Variants in CNTNAP5 observed in about 807,000 individuals in gnomAD.
CNTNAP5 encodes the protein contactin associated protein family member 5.
A neutral mutation model predicts 150.2 loss-of-function variants in CNTNAP5; 72 were observed. The observed-to-expected ratio is 0.48, with a 90% CI of 0.40 to 0.58. The LOEUF (loss-of-function observed/expected upper bound fraction) is 0.58, where lower values mean the gene tolerates loss of function less well. Among genes scored for constraint, CNTNAP5 ranks in the 20% least tolerant of loss-of-function variants. The pLI is 0.00. For synonymous variants in CNTNAP5, 672 were observed against 619.8 expected (o/e 1.08, Z -1.25); for missense variants, 1,636 against 1,626.2 (o/e 1.01, Z -0.10).
At chr2:124,352,550 G>A (rs1197138973) in intron 3 of CNTNAP5, among the ~76,000 whole-genome samples, 1 of 152,186 alleles carries the variant, frequency 6.6e-6, no homozygotes, top group Non-Finnish European at 1.5e-5. Context: ...CTTTCTAGCT[G>A]TGCAATTTTC....
At chr2:124,552,461 T>G (rs943490632) in intron 10 of CNTNAP5, among the ~76,000 whole-genome samples, 1 of 152,196 alleles carries the variant, frequency 6.6e-6, no homozygotes, top group Non-Finnish European at 1.5e-5. Context: ...CGCTCAGATA[T>G]CTGAACATCT....
chr2:124,106,119 G>T (rs1164794664), intron 1 of CNTNAP5, among the ~76,000 whole-genome samples: 1 of 151,836 alleles, frequency 6.6e-6, no homozygotes. Flanking sequence ...GCAGGAATTA[G>T]GCCTACACAA....
At chr2:124,044,745 C>T (rs138941584) in intron 1 of CNTNAP5, among the ~76,000 whole-genome samples, 68 of 152,196 alleles carry the variant, frequency 4.5e-4, no homozygotes, top group African/African-American at 1.6e-3. Flanking sequence ...ATCTCCTCAA[C>T]TGTCATGATG....
rs1339229163 is a variant in CNTNAP5 at position 124,647,921 on chromosome 2, C to A, written c.2040C>A (p.Ala680=). 2.5e-6 allele frequency: 4 copies of A among 1,608,036 alleles called. No individual in the cohort carries two copies. Among genetic ancestry groups the A allele is most frequent in the Non-Finnish European group, 3.4e-6 (4 of 1,177,734 alleles). ...CTGAGCACTGTGAGCAGGAGGTGGC[C>A]TACCACTGCAGGAGGTCCCGCCTGC... is the stretch of plus-strand genomic sequence containing the variant. ...DGSEHCEQEV[A]YHCRRSRLLN... is the part of the protein sequence containing the mutation. Residue 680 remains alanine, a synonymous_variant, in exon 13 of 24, where the codon GCC becomes GCA. Transcript: ENST00000682447.
intron 21 of CNTNAP5, among the ~76,000 whole-genome samples, chr2:124,885,536 CA>C (rs1386747772): frequency 7.0e-6 from 1 of 143,742 alleles, no homozygotes; most frequent in East Asian, 2.0e-4. Flanking sequence ...TATCTAGCTC[CA>C]AAACATTTTC....
chr2:124,571,375 A>G (rs1175384314), intron 11 of CNTNAP5, among the ~76,000 whole-genome samples: 1 of 152,078 alleles, frequency 6.6e-6, no homozygotes, highest in East Asian at 1.9e-4. Flanking sequence ...TCAAGAAGAG[A>G]TACAATCAAG....
chr2:124,100,179 C>T (rs1003198782), intron 1 of CNTNAP5, among the ~76,000 whole-genome samples: 26 of 152,104 alleles, frequency 1.7e-4, no homozygotes, highest in Admixed American at 2.6e-4. Context: ...AGCAGGGATA[C>T]GAGGGGCGGA....
At chr2:124,191,598 G>C (rs1685458634) in intron 1 of CNTNAP5, among the ~76,000 whole-genome samples, 1 of 152,136 alleles carries the variant, frequency 6.6e-6, no homozygotes, top group Admixed American at 6.5e-5. Context: ...GATATTAGGA[G>C]AGTACAGTGG....
At chr2:124,544,939 A>AC (rs1401972132) in intron 10 of CNTNAP5, among the ~76,000 whole-genome samples, 1 of 152,148 alleles carries the variant, frequency 6.6e-6, no homozygotes, top group African/African-American at 2.4e-5. Flanking sequence ...ACATCAGGAG[A>AC]CAAGGGCTTA....
chr2:124,904,997 T>C (rs1442177350), intron 22 of CNTNAP5, among the ~76,000 whole-genome samples: 1 of 145,344 alleles, frequency 6.9e-6, no homozygotes, highest in Non-Finnish European at 1.5e-5. Flanking sequence ...TGATGAAGGG[T>C]TAGTATCCAA....
At chr2:124,335,721 G>A (rs1241978213) in intron 3 of CNTNAP5, among the ~76,000 whole-genome samples, 1 of 151,772 alleles carries the variant, frequency 6.6e-6, no homozygotes, top group Non-Finnish European at 1.5e-5. Context: ...CAGAAATTAA[G>A]GAGGCTGACT....
intron 1 of CNTNAP5, among the ~76,000 whole-genome samples, chr2:124,194,985 A>G (rs1685550311): frequency 6.6e-6 from 1 of 152,052 alleles, no homozygotes; most frequent in African/African-American, 2.4e-5. Flanking sequence ...ATCATAACTA[A>G]ATGGAAAACT....
rs574748675 is a variant in CNTNAP5 at position 124,726,191 on chromosome 2, G to A, written c.2078-21038G>A. Among the ~76,000 whole-genome samples the A allele has an allele frequency of 4.6e-5, 7 of 152,002 alleles. No homozygotes were observed. In the South Asian group the frequency reaches 1.5e-3, roughly 32 times the overall value. On this transcript the variant is annotated intron_variant, in intron 13 of 23. Transcript: ENST00000682447. ...CAGGTCTGAGGTGATAGCTCATGTAGTTATGGTTTGCATTTTTCTGATTAT... is the reference window on the plus strand; with the variant it reads ...CAGGTCTGAGGTGATAGCTCATGTAATTATGGTTTGCATTTTTCTGATTAT...
intron 21 of CNTNAP5, among the ~76,000 whole-genome samples, chr2:124,895,815 G>T (rs968433119): frequency 1.3e-5 from 2 of 151,534 alleles, no homozygotes; most frequent in African/African-American, 4.9e-5. Context: ...AAGACAGTGG[G>T]AGGAGGGAGG....
At chr2:124,579,981 G>C (rs776447034) in intron 11 of CNTNAP5, among the ~76,000 whole-genome samples, 1 of 152,214 alleles carries the variant, frequency 6.6e-6, no homozygotes, top group African/African-American at 2.4e-5. Flanking sequence ...AAGACTTTAA[G>C]GAAATACATA....
intron 4 of CNTNAP5, among the ~76,000 whole-genome samples, chr2:124,424,355 T>TC (rs1384113475): frequency 3.9e-5 from 6 of 152,108 alleles, no homozygotes; most frequent in Non-Finnish European, 8.8e-5. Flanking sequence ...CTGTCAGCCC[T>TC]CCAAGTGGGG....
At chr2:124,811,491 C>G in intron 19 of CNTNAP5, among the ~76,000 whole-genome samples, 1 of 151,778 alleles carries the variant, frequency 6.6e-6, no homozygotes, top group East Asian at 1.9e-4. Context: ...TTTTCCCTAC[C>G]AATAAATATG....
intron 13 of CNTNAP5, among the ~76,000 whole-genome samples, chr2:124,699,115 T>C (rs1357579848): frequency 1.3e-5 from 2 of 152,066 alleles, no homozygotes; most frequent in African/African-American, 4.8e-5. Flanking sequence ...TACTGTATAG[T>C]GAGAGAGAGG....
At chr2:124,809,864 G>A (rs1682167118) in intron 19 of CNTNAP5, among the ~76,000 whole-genome samples, 1 of 152,144 alleles carries the variant, frequency 6.6e-6, no homozygotes, top group Admixed American at 6.6e-5. Context: ...TGATGTAAAA[G>A]TTTGTTCTCT....
Sources: allele counts gnomAD v4.1 joint callset (sites outside exome capture counted in the v4.1 genomes callset), GRCh38; gene constraint gnomAD v4.1.1; transcripts MANE v1.5; gene names NCBI Gene and HGNC (gene_info 2026-07-23, HGNC 2026-07-21).